Variants in SMIM36 observed in about 807,000 individuals in gnomAD.
The protein encoded by SMIM36 is small integral membrane protein 36.
At chr17:55,527,174 A>AT in the SMIM36 span, 1 of 152,132 alleles carries the variant, frequency 6.6e-6, no homozygotes, top group Non-Finnish European at 1.5e-5. Context: ...TTCAAAAAGG[A>AT]TTTTTACTGC....
intron 1 of SMIM36, among the ~76,000 whole-genome samples, chr17:55,492,624 C>A (rs1909733197): frequency 1.5e-5 from 2 of 135,822 alleles, no homozygotes; most frequent in Admixed American, 7.5e-5. Context: ...CAAATACACC[C>A]ACTTAAAAAA....
intron 1 of SMIM36, among the ~76,000 whole-genome samples, chr17:55,480,241 T>TA (rs112973181): frequency 0.011 from 1,376 of 128,802 alleles, 6 homozygotes; most frequent in African/African-American, 0.023. Flanking sequence ...TGGAGCGTTC[T>TA]AAAAAAAAAA....
chr17:55,482,664 G>T (rs7216168), intron 1 of SMIM36, among the ~76,000 whole-genome samples: 120,595 of 152,162 alleles, frequency 0.79, 48,247 homozygotes, highest in Middle Eastern at 0.83. Context: ...GAGACAGCCT[G>T]CATATTTGTC....
chr17:55,474,674 T>A (rs1026384786), intron 3 of SMIM36, among the ~76,000 whole-genome samples: 1 of 152,218 alleles, frequency 6.6e-6, no homozygotes, highest in Non-Finnish European at 1.5e-5. Context: ...ATTTTGGTTC[T>A]GATTCTGGTT....
intron 3 of SMIM36, among the ~76,000 whole-genome samples, chr17:55,468,648 T>A (rs567785876): frequency 4.1e-4 from 62 of 152,140 alleles, no homozygotes; most frequent in Non-Finnish European, 7.1e-4. Flanking sequence ...TCACCCACAT[T>A]ACAGCCTAGG....
At chr17:55,483,917 C>A (rs192275284) in intron 1 of SMIM36, among the ~76,000 whole-genome samples, 2 of 152,148 alleles carry the variant, frequency 1.3e-5, no homozygotes, top group African/African-American at 4.8e-5. Flanking sequence ...CATGAGCCAC[C>A]GTGCTTGGCC....
At chr17:55,501,665 A>C (rs1909983893) in intron 1 of SMIM36, among the ~76,000 whole-genome samples, 1 of 144,872 alleles carries the variant, frequency 6.9e-6, no homozygotes, top group Non-Finnish European at 1.5e-5. Flanking sequence ...TGAATATATA[A>C]TATATATATT....
At chr17:55,487,496 C>T (rs1909628229) in intron 1 of SMIM36, among the ~76,000 whole-genome samples, 4 of 152,110 alleles carry the variant, frequency 2.6e-5, no homozygotes, top group Admixed American at 1.3e-4. Flanking sequence ...ATCGGCTGAT[C>T]TCTGAAGTTG....
intron 1 of SMIM36, among the ~76,000 whole-genome samples, chr17:55,510,455 G>A (rs1039915103): frequency 5.9e-5 from 9 of 152,124 alleles, no homozygotes; most frequent in African/African-American, 2.2e-4. Flanking sequence ...AAAAAGACAG[G>A]CGTGGTGTCA....
chr17:55,455,584 G>A (rs1319020333), intron 4 of SMIM36, among the ~76,000 whole-genome samples: 1 of 152,126 alleles, frequency 6.6e-6, no homozygotes, highest in Non-Finnish European at 1.5e-5. Flanking sequence ...GAGCCCAGGA[G>A]TTTGGGACCT....
At chr17:55,517,524 CT>C in the SMIM36 span, among the ~76,000 whole-genome samples, 1 of 152,190 alleles carries the variant, frequency 6.6e-6, no homozygotes, top group Non-Finnish European at 1.5e-5. Flanking sequence ...GATCGTGCCA[CT>C]GCACTTTAGC....
chr17:55,523,529 CAAAAAAAAAA>C, the SMIM36 span, among the ~76,000 whole-genome samples: 118 of 62,156 alleles, frequency 1.9e-3, 1 homozygote, highest in African/African-American at 4.6e-3. Context: ...GACTCCGTCT[CAAAAAAAAAA>C]AAAAAAAAAC....
chr17:55,515,336 G>T (rs1309716910), upstream of SMIM36, among the ~76,000 whole-genome samples: 1 of 151,914 alleles, frequency 6.6e-6, no homozygotes, highest in Non-Finnish European at 1.5e-5. Flanking sequence ...TGGCTCACTT[G>T]GGAGCCTCAC....
At chr17:55,484,784 C>T (rs553951823) in intron 1 of SMIM36, among the ~76,000 whole-genome samples, 5 of 152,286 alleles carry the variant, frequency 3.3e-5, no homozygotes, top group South Asian at 2.1e-4. Flanking sequence ...CTGTCTCATG[C>T]AAAACTTGAG....
intron 1 of SMIM36, among the ~76,000 whole-genome samples, chr17:55,509,189 C>G (rs922346984): frequency 6.6e-6 from 1 of 152,192 alleles, no homozygotes; most frequent in African/African-American, 2.4e-5. Context: ...GCAGGGCAGG[C>G]TGGCCAGGCC....
chr17:55,526,417 C>G, the SMIM36 span, among the ~76,000 whole-genome samples: 27 of 152,078 alleles, frequency 1.8e-4, no homozygotes, highest in African/African-American at 6.5e-4. Flanking sequence ...TCTCGACCTC[C>G]CAAAGTGCTG....
intron 1 of SMIM36, among the ~76,000 whole-genome samples, chr17:55,509,721 T>C (rs1221852345): frequency 6.6e-6 from 1 of 152,096 alleles, no homozygotes; most frequent in African/African-American, 2.4e-5. Flanking sequence ...TCAAAGTAAA[T>C]ACATACGTTT....
At chr17:55,500,152 G>A (rs1347724668) in intron 1 of SMIM36, among the ~76,000 whole-genome samples, 4 of 152,008 alleles carry the variant, frequency 2.6e-5, no homozygotes, top group East Asian at 3.9e-4. Context: ...ACAGGGCCGT[G>A]CTCTGTTACC....
chr17:55,464,400 G>A (rs1323698686), intron 4 of SMIM36, among the ~76,000 whole-genome samples: 1 of 151,972 alleles, frequency 6.6e-6, no homozygotes. Context: ...GCTTTCATCT[G>A]GAACATAGAG....
Sources: allele counts gnomAD v4.1 joint callset (sites outside exome capture counted in the v4.1 genomes callset), GRCh38; gene constraint gnomAD v4.1.1; transcripts MANE v1.5; gene names NCBI Gene and HGNC (gene_info 2026-07-23, HGNC 2026-07-21).